The following RCBTB1 variants were observed in gnomAD, a reference collection of about 807,000 sequenced individuals.
RCBTB1 encodes the protein RCC1 and BTB domain-containing protein 1.
In RCBTB1, 46 loss-of-function variants were observed where a neutral mutation model predicts 62.4. The observed-to-expected ratio is 0.74, with a 90% confidence interval of 0.58 to 0.94. The LOEUF is 0.94. Among genes scored for constraint, RCBTB1 ranks in the 40% least tolerant of loss-of-function variants. The pLI, the probability that RCBTB1 is intolerant of heterozygous loss-of-function variation, is 0.00. For synonymous variants in RCBTB1, 222 were observed against 245.8 expected, an observed-to-expected ratio of 0.90 and a Z score of 0.91; for missense variants, 565 against 654.9, an observed-to-expected ratio of 0.86 and a Z score of 1.50.
At chr13:49,554,175 T>A (rs543188938) in intron 6 of RCBTB1, among the ~76,000 whole-genome samples, 24 of 152,136 alleles carry the variant, frequency 1.6e-4, no homozygotes, top group South Asian at 4.1e-4. Context: ...CCCATTTTTT[T>A]AAAAAAAGAT....
intron 2 of RCBTB1, among the ~76,000 whole-genome samples, chr13:49,568,617 A>C (rs1330819127): frequency 1.4e-5 from 2 of 144,424 alleles, no homozygotes. Context: ...TGATGAGTGG[A>C]GTTGGATGTC....
chr13:49,558,802 C>T (rs61961364), intron 5 of RCBTB1, among the ~76,000 whole-genome samples: 37,040 of 151,528 alleles, frequency 0.24, 5,860 homozygotes, highest in African/African-American at 0.44. Context: ...CATTTGTGAT[C>T]GTTTGCTTTT....
chr13:49,583,831 GCCACTGCGCCTGGCC>G (rs1964243152), intron 1 of RCBTB1, among the ~76,000 whole-genome samples: 1 of 152,208 alleles, frequency 6.6e-6, no homozygotes, highest in Non-Finnish European at 1.5e-5. Context: ...ACAGATGTAA[GCCACTGCGCCTGGCC>G]AATATGTAAC....
chr13:49,567,005 A>T, intron 3 of RCBTB1, 149 bp downstream of exon 3: 1 of 790,686 alleles, frequency 1.3e-6, no homozygotes, highest in Non-Finnish European at 2.0e-6. Flanking sequence ...AAGAAACTGA[A>T]AAAAGAGAAA....
chr13:49,571,005 T>A (rs542509763), intron 2 of RCBTB1, among the ~76,000 whole-genome samples: 4 of 152,198 alleles, frequency 2.6e-5, no homozygotes, highest in African/African-American at 4.8e-5. Context: ...GACTTTATCT[T>A]GCCTTGTAAA....
rs1356091787 is a variant in RCBTB1, at chr13:49,549,560, C to T, written c.943G>A (p.Gly315Ser). 4 of 1,613,998 alleles carry T rather than the reference C, an allele frequency of 2.5e-6. No homozygotes were observed. The African/African-American group carries it at 4.0e-5, about 16-fold the overall frequency. The change falls in exon 9 of 13, where the codon GGT (glycine) becomes AGT (serine). Residue 315 changes from glycine (G) to serine (S), a missense_variant. By Grantham distance (56) the Gly-to-Ser change is moderately conservative. Coordinates refer to ENST00000378302, the MANE Select transcript of RCBTB1 (RefSeq NM_018191.4). ...AGGTGCGGGAGGATCACGGACTGAC[C>T]CCGGCACTGGCCCCACATGTACACG... ...GHVYMWGQCR[G>S]QSVILPHLTH...
At position 49,566,742 on chromosome 13, in the gene RCBTB1, A is replaced by G; in HGVS notation, c.153T>C (p.Ser51=). 1 of 1,612,748 alleles carries G rather than the reference A, an allele frequency of 6.2e-7. No individual in the cohort carries two copies. Among genetic ancestry groups the G allele is most frequent in the Middle Eastern group, 1.7e-4 (1 of 6,058 alleles). ...GGTTATCTCCAGTTCCTAGACAGTT[A>G]CTATAGTTCAGTCCAAATACAAAGA... is the stretch of plus-strand genomic sequence containing the variant. ...DEVFVFGLNY[S]NCLGTGDNQS... The change falls in exon 4 of 13, where the codon AGT becomes AGC. Residue 51 remains serine (S), a synonymous_variant. Transcript: ENST00000378302.
chr13:49,581,504 G>A lies in RCBTB1; in HGVS notation c.-121-920C>T, dbSNP rs1246216033. ...CCAGGTACCTGTGGGATATTAAAGT[G>A]GACAAGTCCCAACAGATGGATTTAG... On this transcript the variant is annotated intron_variant, in intron 1 of 12. Transcript: ENST00000378302. Among the ~76,000 whole-genome samples, 12 of 152,262 alleles carry A rather than the reference G, an allele frequency of 7.9e-5. No homozygotes were observed. The East Asian group carries it at 1.9e-3, about 25-fold the overall frequency.
intron 6 of RCBTB1, among the ~76,000 whole-genome samples, chr13:49,554,985 C>T (rs7328860): frequency 0.25 from 37,261 of 152,060 alleles, 5,913 homozygotes; most frequent in African/African-American, 0.44. Flanking sequence ...ACTAATTTCA[C>T]AGAAATAACC....
chr13:49,550,761 T>A, intron 8 of RCBTB1, among the ~76,000 whole-genome samples: 1 of 152,150 alleles, frequency 6.6e-6, no homozygotes, highest in East Asian at 1.9e-4. Flanking sequence ...GAGAGCTACA[T>A]AAGAATCATA....
Position 49,559,924 on chromosome 13 carries a change from A to T in RCBTB1, c.438T>A (p.Asp146Glu). 1.9e-6 allele frequency: 3 copies of T among 1,612,518 alleles called. No individual in the cohort carries two copies. The highest frequency in any genetic ancestry group is 2.5e-6 in the Non-Finnish European group (3 of 1,179,418). The change falls in exon 5 of 13, where the codon GAT (aspartate) becomes GAA (glutamate). Residue 146 changes from aspartate (D) to glutamate (E), a missense_variant. Physicochemically the swap from Asp to Glu is conservative, Grantham distance 45. Coordinates refer to ENST00000378302, the MANE Select transcript of RCBTB1 (RefSeq NM_018191.4). ...ATAAAAGCAGCATACTTACCTCTCCATCAGCTGCCAGAGCCATTGAATGAT... is the reference window on the plus strand; with the variant it reads ...ATAAAAGCAGCATACTTACCTCTCCTTCAGCTGCCAGAGCCATTGAATGAT... ...GSHHSMALAA[D>E]GEVFAWGYNN...
At chr13:49,559,389 G>T (rs554503240) in intron 5 of RCBTB1, among the ~76,000 whole-genome samples, 2 of 152,284 alleles carry the variant, frequency 1.3e-5, no homozygotes, top group East Asian at 3.9e-4. Flanking sequence ...GGGCACGGTG[G>T]CTCACGCCTG....
intron 5 of RCBTB1, among the ~76,000 whole-genome samples, chr13:49,557,601 G>A (rs1157145765): frequency 1.3e-5 from 2 of 152,140 alleles, no homozygotes; most frequent in East Asian, 3.9e-4. Context: ...TCTTAGCAAA[G>A]AGCATGGGAC....
chr13:49,567,199 G>A lies in RCBTB1; in HGVS notation c.81C>T (p.Phe27=), dbSNP rs190665127. 1.4e-5 allele frequency: 22 copies of A among 1,613,848 alleles called. No homozygotes were observed. Among genetic ancestry groups the A allele is most frequent in the East Asian group, 2.2e-5 (1 of 44,886 alleles). The change falls in exon 3 of 13, where the codon TTC becomes TTT. Residue 27 remains phenylalanine, a synonymous_variant. Transcript: ENST00000378302. ...ACAGTGCTTCACTGGCTGAGGTGCC[G>A]AAGACACACGCCTTCCGAATAGACG... ...EIASIRKACV[F]GTSASEALYV...
At chr13:49,552,125 T>C in intron 7 of RCBTB1, 53 bp downstream of exon 7, 1 of 1,166,228 alleles carries the variant, frequency 8.6e-7, no homozygotes, top group Non-Finnish European at 1.3e-6. Context: ...TTCTCCAAGT[T>C]AGAGCAAGGA....
chr13:49,583,587 C>G (rs1372766513), intron 1 of RCBTB1, among the ~76,000 whole-genome samples: 1 of 152,020 alleles, frequency 6.6e-6, no homozygotes, highest in African/African-American at 2.4e-5. Flanking sequence ...CACTGTGTCG[C>G]CCAGGCTGGA....
chr13:49,569,715 T>C (rs983209194), intron 2 of RCBTB1, among the ~76,000 whole-genome samples: 1 of 133,036 alleles, frequency 7.5e-6, no homozygotes, highest in African/African-American at 3.0e-5. Context: ...AGAGACCCTG[T>C]CTCAAAAAAA....
intron 1 of RCBTB1, among the ~76,000 whole-genome samples, chr13:49,584,021 T>C (rs1964254869): frequency 6.6e-6 from 1 of 152,212 alleles, no homozygotes. Flanking sequence ...GTCCTCACTT[T>C]CCTTCACAGT....
intron 2 of RCBTB1, 140 bp from the exon 3 acceptor site, chr13:49,567,460 T>TC (rs546007878): frequency 1.1e-5 from 7 of 617,698 alleles, no homozygotes; most frequent in Middle Eastern, 4.6e-4. Context: ...TCACTCACTT[T>TC]CCCCCAGCCA....
Sources: gnomAD v4.1 joint callset for allele counts (sites outside exome capture counted in the v4.1 genomes callset) on GRCh38, gnomAD v4.1.1 for gene constraint, MANE v1.5 for transcripts, NCBI Gene and HGNC (gene_info 2026-07-23, HGNC 2026-07-21) for gene names.